The following UBN2 variants were observed in gnomAD, a reference collection of about 807,000 sequenced individuals.
UBN2 encodes ubinuclein 2.
In UBN2, 35 loss-of-function variants were observed where a neutral mutation model predicts 120.2. That is an observed-to-expected ratio of 0.29 (90% CI 0.22 to 0.39). The LOEUF (loss-of-function observed/expected upper bound fraction) is 0.39, where lower values mean the gene tolerates loss of function less well. UBN2 is among the 10% of genes least tolerant of loss of function. The probability of loss-of-function intolerance (pLI) is 1.00; values close to 1 mark genes in which losing one functional copy is unlikely to be tolerated. For synonymous variants in UBN2, 661 were observed against 648.7 expected, an observed-to-expected ratio of 1.02 and a Z score of -0.29; for missense variants, 1,693 against 1,663.2, an observed-to-expected ratio of 1.02 and a Z score of -0.31.
intron 8 of UBN2, among the ~76,000 whole-genome samples, chr7:139,271,379 G>A (rs929557494): frequency 7.9e-5 from 12 of 152,174 alleles, no homozygotes; most frequent in African/African-American, 2.9e-4. Context: ...TTGAGGCCAG[G>A]AGTTCGAGAC....
At position 139,289,110 on chromosome 7, in the gene UBN2, T is replaced by G. The variant is rs1441021637; in HGVS notation, c.3670-4122T>G. Among the ~76,000 whole-genome samples the G allele has an allele frequency of 2.0e-5, 3 of 152,264 alleles. No homozygotes were observed. In the East Asian group the frequency reaches 5.8e-4, roughly 29 times the overall value. On this transcript the variant is annotated intron_variant, in intron 15 of 17. Coordinates refer to ENST00000473989, the MANE Select transcript of UBN2 (RefSeq NM_173569.4). ...AGAGGTCACGGAAAGTATTTTTGAT[T>G]ATGGGGCATAATCTGGAACTATTTA...
chr7:139,317,796 G>A, the UBN2 span, among the ~76,000 whole-genome samples: 2 of 151,980 alleles, frequency 1.3e-5, no homozygotes, highest in African/African-American at 2.4e-5. Context: ...CCAAGTAGCC[G>A]GGATCATAAG....
Position 139,283,230 on chromosome 7 carries a change from G to T in UBN2, c.2325G>T (p.Ala775=), listed in dbSNP as rs528507397. 6.2e-7 allele frequency: 1 copy of T among 1,612,866 alleles called. No individual in the cohort carries two copies. Among genetic ancestry groups the T allele is most frequent in the South Asian group, 1.1e-5 (1 of 90,986 alleles). The change falls in exon 15 of 18, where the codon GCG becomes GCT. Residue 775 remains alanine, a synonymous_variant. Transcript: ENST00000473989. ...TGGATCTTGTTTCTGAAGCTTTAGC[G>T]GTTATCAACAATGGGAACAAGGGCC... ...PSLDLVSEAL[A]VINNGNKGPP... is the part of the protein sequence containing the mutation.
intron 2 of UBN2, among the ~76,000 whole-genome samples, chr7:139,240,769 T>C (rs1008788086): frequency 1.2e-4 from 18 of 152,232 alleles, no homozygotes; most frequent in African/African-American, 4.3e-4. Flanking sequence ...GTTGTTCTTA[T>C]GCTCAGGTAA....
the UBN2 span, among the ~76,000 whole-genome samples, chr7:139,316,063 G>A: frequency 3.5e-5 from 4 of 113,200 alleles, no homozygotes; most frequent in African/African-American, 1.4e-4. Flanking sequence ...GGCAACAAGA[G>A]CGAGACTTCG....
At position 139,258,553 on chromosome 7, in the gene UBN2, T is replaced by C. The variant is rs1336507854; in HGVS notation, c.729T>C (p.Thr243=). The C allele has an allele frequency of 6.2e-7, 1 of 1,607,138 alleles. No individual in the cohort carries two copies. Among genetic ancestry groups the C allele is most frequent in the African/African-American group, 1.3e-5 (1 of 74,282 alleles). Residue 243 remains threonine (T), a synonymous_variant, in exon 4 of 18, where the codon ACT becomes ACC. Coordinates refer to ENST00000473989, the MANE Select transcript of UBN2 (RefSeq NM_173569.4). ...KYGGFYINTG[T]LQFRQASDTE... Reference sequence around the variant, plus strand: ...GAGGCTTTTATATCAACACTGGCACTCTACAGTTTCGCCAAGCTTCAGATA... The same window carrying C: ...GAGGCTTTTATATCAACACTGGCACCCTACAGTTTCGCCAAGCTTCAGATA...
intron 2 of UBN2, among the ~76,000 whole-genome samples, chr7:139,241,335 C>CA (rs1796314568): frequency 6.6e-6 from 1 of 152,192 alleles, no homozygotes; most frequent in Admixed American, 6.5e-5. Flanking sequence ...TTGTGCCTAG[C>CA]AGGGGCTCAG....
chr7:139,247,299 G>C (rs1796497694), intron 2 of UBN2, among the ~76,000 whole-genome samples: 1 of 152,128 alleles, frequency 6.6e-6, no homozygotes, highest in African/African-American at 2.4e-5. Context: ...GCCAATAATG[G>C]TTTTAAGGCA....
rs185614596 is a variant in UBN2 at position 139,304,138 on chromosome 7, G to C, written c.*6302G>C. On this transcript the variant is annotated 3_prime_UTR_variant, in exon 18 of 18. Transcript: ENST00000473989. Reference sequence around the variant, plus strand: ...AGATTGTGTACTAATTCCATTAACTGTAGGTGTATCCAGCTCTGCACTGAA... The same window carrying C: ...AGATTGTGTACTAATTCCATTAACTCTAGGTGTATCCAGCTCTGCACTGAA... 5.3e-5 allele frequency: 8 copies of C among 152,282 alleles called. No individual in the cohort carries two copies. Among genetic ancestry groups the C allele is most frequent in the African/African-American group, 1.9e-4 (8 of 41,546 alleles). 9.4% of individuals were successfully genotyped at this position (152,282 alleles called of 1,614,324 possible). A position where few individuals can be genotyped will look rare whatever the true frequency, so the allele number is the denominator to read the frequency against.
intron 6 of UBN2, among the ~76,000 whole-genome samples, chr7:139,263,735 C>T (rs1410423085): frequency 6.7e-6 from 1 of 149,200 alleles, no homozygotes; most frequent in African/African-American, 2.5e-5. Context: ...CCACTGCACT[C>T]CAGCCTGAGC....
intron 2 of UBN2, among the ~76,000 whole-genome samples, chr7:139,251,471 G>C (rs1796622542): frequency 6.6e-6 from 1 of 152,056 alleles, no homozygotes; most frequent in South Asian, 2.1e-4. Context: ...TTTCTCCTTA[G>C]GTTCATCTAT....
the UBN2 span, among the ~76,000 whole-genome samples, chr7:139,324,425 A>G: frequency 1.3e-4 from 19 of 151,918 alleles, no homozygotes; most frequent in East Asian, 7.8e-4. Context: ...GCGCAGTGGC[A>G]GGCCCCTGTA....
At chr7:139,242,282 T>G (rs1465551861) in intron 2 of UBN2, among the ~76,000 whole-genome samples, 1 of 152,180 alleles carries the variant, frequency 6.6e-6, no homozygotes, top group East Asian at 1.9e-4. Context: ...TATCAATTAC[T>G]CATATTATTT....
intron 8 of UBN2, 114 bp downstream of exon 8, chr7:139,269,637 A>G (rs1005432574): frequency 8.5e-7 from 1 of 1,172,000 alleles, no homozygotes; most frequent in Non-Finnish European, 1.2e-6. Context: ...GTATGTATTT[A>G]ATAACCATAG....
intron 4 of UBN2, 54 bp from the exon 5 acceptor site, chr7:139,259,213 A>G: frequency 6.3e-7 from 1 of 1,589,886 alleles, no homozygotes; most frequent in Middle Eastern, 1.7e-4. Context: ...TGCTAACATC[A>G]AAGAGTAAAG....
At chr7:139,325,131 A>G in the UBN2 span, among the ~76,000 whole-genome samples, 1 of 152,040 alleles carries the variant, frequency 6.6e-6, no homozygotes, top group Non-Finnish European at 1.5e-5. Flanking sequence ...AAACATTTCT[A>G]TTTTTTCATG....
intron 1 of UBN2, among the ~76,000 whole-genome samples, chr7:139,234,330 A>G (rs1584980921): frequency 6.6e-6 from 1 of 152,190 alleles, no homozygotes; most frequent in Admixed American, 6.5e-5. Flanking sequence ...TTACATATGG[A>G]TACCATTCAT....
At position 139,283,183 on chromosome 7, in the gene UBN2, C is replaced by T; in HGVS notation, c.2278C>T (p.Leu760Phe). The T allele has an allele frequency of 1.2e-6, 2 of 1,612,556 alleles. No individual in the cohort carries two copies. Among genetic ancestry groups the T allele is most frequent in the Non-Finnish European group, 1.7e-6 (2 of 1,179,856 alleles). The change falls in exon 15 of 18, where the codon CTT (leucine) becomes TTT (phenylalanine). Residue 760 changes from leucine to phenylalanine, a missense_variant. By Grantham distance (22) the Leu-to-Phe change is conservative (BLOSUM62 0). This residue lies in a region of UBN2 where 837 missense variants were observed against 817.6 expected (regional missense o/e 1.02). Coordinates refer to ENST00000473989, the MANE Select transcript of UBN2 (RefSeq NM_173569.4). ...ICLDDSLDED[L>F]SFHSPSLDLV... ...CCTCGACGACTCACTAGATGAAGAC[C>T]TTTCTTTCCATTCACCTTCACTGGA...
Position 139,231,718 on chromosome 7 carries a change from C to T in UBN2, c.234C>T (p.Ser78=). 8.5e-7 allele frequency: 1 copy of T among 1,179,308 alleles called. No homozygotes were observed. The highest frequency in any genetic ancestry group is 3.9e-5 in the South Asian group (1 of 25,886). 73.1% of individuals were successfully genotyped at this position (1,179,308 alleles called of 1,614,324 possible). The change falls in exon 1 of 18, where the codon AGC becomes AGT. Residue 78 remains serine (S), a synonymous_variant. Transcript: ENST00000473989. ...REKPLPQREV[S]RAEPPMSLQR... ...AGCCGCTCCCCCAGCGCGAGGTCAG[C>T]CGCGCCGAGCCGCCCATGTCGCTGC...
Sources: allele counts gnomAD v4.1 joint callset (sites outside exome capture counted in the v4.1 genomes callset), GRCh38; gene constraint gnomAD v4.1.1; regional missense constraint gnomAD v4.1.1; transcripts MANE v1.5; gene names NCBI Gene and HGNC (gene_info 2026-07-23, HGNC 2026-07-21).